SH3PXD2B: variants seen among roughly 807,000 people sequenced by gnomAD.
SH3PXD2B encodes SH3 and PX domains 2B.
In SH3PXD2B, 37 loss-of-function variants were observed where a neutral mutation model predicts 73.1. The observed-to-expected ratio is 0.51, with a 90% confidence interval of 0.39 to 0.67. The LOEUF (loss-of-function observed/expected upper bound fraction) is 0.67, where lower values mean the gene tolerates loss of function less well. SH3PXD2B is among the 30% of genes least tolerant of loss of function. The probability of loss-of-function intolerance (pLI) is 0.00; values close to 1 mark genes in which losing one functional copy is unlikely to be tolerated. For synonymous variants in SH3PXD2B, 457 were observed against 480.5 expected (o/e 0.95, Z 0.64); for missense variants, 1,053 against 1,197.8 (o/e 0.88, Z 1.78).
chr5:172,344,614 A>AAAAT, intron 12 of SH3PXD2B, among the ~76,000 whole-genome samples: 1 of 151,298 alleles, frequency 6.6e-6, no homozygotes. Context: ...AAAAAAAAAA[A>AAAAT]AAGGAGGCAC....
downstream of SH3PXD2B, among the ~76,000 whole-genome samples, chr5:172,329,083 A>ATATATATT (rs58472514): frequency 1.3e-4 from 8 of 61,810 alleles, no homozygotes; most frequent in African/African-American, 7.8e-5. Flanking sequence ...ATATATATAT[A>ATATATATT]TTTTTTTTTT....
At chr5:172,358,128 G>A (rs993077294) in intron 8 of SH3PXD2B, among the ~76,000 whole-genome samples, 1 of 152,254 alleles carries the variant, frequency 6.6e-6, no homozygotes, top group Non-Finnish European at 1.5e-5. Context: ...AAGTGGTACA[G>A]CTGAGATTAA....
chr5:172,345,925 CAGT>C (rs1348970483), intron 12 of SH3PXD2B, among the ~76,000 whole-genome samples: 1 of 152,116 alleles, frequency 6.6e-6, no homozygotes, highest in Non-Finnish European at 1.5e-5. Flanking sequence ...TGGAATTAGA[CAGT>C]GGTGAGGGTT....
chr5:172,380,705 C>A (rs1459803649), intron 5 of SH3PXD2B, among the ~76,000 whole-genome samples: 2 of 152,144 alleles, frequency 1.3e-5, no homozygotes, highest in African/African-American at 4.8e-5. Flanking sequence ...TCTTGGCTCC[C>A]GTGTTGGTAA....
In SH3PXD2B at chr5:172,406,356, A is replaced by C; in HGVS notation, c.157-4T>G. 2.5e-6 allele frequency: 4 copies of C among 1,614,050 alleles called. No individual in the cohort carries two copies. The highest frequency in any genetic ancestry group is 2.5e-6 in the Non-Finnish European group (3 of 1,179,988). On this transcript the variant is annotated splice_polypyrimidine_tract_variant and splice_region_variant and intron_variant, in intron 2 of 12. Transcript: ENST00000311601. ...GAAATTTGTCCAACATCTGCATCTA[A>C]GTGGGGGGCGAATACCAAAAACAAA...
downstream of SH3PXD2B, among the ~76,000 whole-genome samples, chr5:172,329,437 C>G (rs537089382): frequency 4.0e-5 from 6 of 151,378 alleles, no homozygotes; most frequent in South Asian, 1.3e-3. Flanking sequence ...GTTCACTATT[C>G]TGTACTATAC....
intron 10 of SH3PXD2B, among the ~76,000 whole-genome samples, chr5:172,348,331 CT>C (rs563747821): frequency 1.2e-3 from 175 of 145,448 alleles, no homozygotes; most frequent in East Asian, 2.2e-3. Context: ...AAAGCAACGC[CT>C]TTTTTTTTTT....
intron 12 of SH3PXD2B, among the ~76,000 whole-genome samples, chr5:172,341,615 A>G (rs1289826638): frequency 6.6e-6 from 1 of 151,990 alleles, no homozygotes; most frequent in Non-Finnish European, 1.5e-5. Context: ...AGTCAAGTAA[A>G]CCTCTTTTCT....
chr5:172,341,875 G>A (rs2113262329), intron 12 of SH3PXD2B, among the ~76,000 whole-genome samples: 1 of 151,866 alleles, frequency 6.6e-6, no homozygotes, highest in East Asian at 1.9e-4. Context: ...GCCAGGATGG[G>A]CTTGATCTCC....
chr5:172,414,338 G>A (rs902749045), intron 2 of SH3PXD2B, among the ~76,000 whole-genome samples: 3 of 151,668 alleles, frequency 2.0e-5, no homozygotes, highest in African/African-American at 2.4e-5. Context: ...GCATGGTAGC[G>A]CGTGCCTGTA....
chr5:172,422,615 C>T (rs375622577), intron 1 of SH3PXD2B, 119 bp from the exon 2 acceptor site: 1 of 903,092 alleles, frequency 1.1e-6, no homozygotes, highest in Non-Finnish European at 1.8e-6. Flanking sequence ...CTTAGCTCTG[C>T]CAATGACTGG....
In SH3PXD2B at chr5:172,449,988, G is replaced by A. The variant is rs114492972; in HGVS notation, c.75+4290C>T. Among the ~76,000 whole-genome samples, 1,032 of 152,246 alleles carry A rather than the reference G, an allele frequency of 6.8e-3. 16 individuals are homozygous for A. The highest frequency in any genetic ancestry group is 0.023 in the African/African-American group (974 of 41,536). ...TTATTTATAGTTTTAAAACATTCAC[G>A]ACAATACAAGATTTTAGGGAATGTT... On this transcript the variant is annotated intron_variant, in intron 1 of 12. Coordinates refer to ENST00000311601, the MANE Select transcript of SH3PXD2B (RefSeq NM_001017995.3).
intron 3 of SH3PXD2B, among the ~76,000 whole-genome samples, chr5:172,399,105 T>C (rs1436653332): frequency 6.6e-6 from 1 of 152,230 alleles, no homozygotes; most frequent in Non-Finnish European, 1.5e-5. Flanking sequence ...TTAAAACAGC[T>C]TGAAGTTCAA....
chr5:172,331,258 T>C (rs1433918904), downstream of SH3PXD2B, among the ~76,000 whole-genome samples: 2 of 152,134 alleles, frequency 1.3e-5, no homozygotes, highest in South Asian at 2.1e-4. Flanking sequence ...TTTTTGAACA[T>C]GTAGACTATA....
At chr5:172,422,349 T>C in intron 2 of SH3PXD2B, 67 bp downstream of exon 2, 1 of 1,383,612 alleles carries the variant, frequency 7.2e-7, no homozygotes, top group Non-Finnish European at 1.0e-6. Context: ...TCTAAAGCTG[T>C]AGTGGAATGT....
At chr5:172,373,617 C>T (rs1757756106) in intron 6 of SH3PXD2B, among the ~76,000 whole-genome samples, 173 bp downstream of exon 6, 1 of 152,142 alleles carries the variant, frequency 6.6e-6, no homozygotes. Flanking sequence ...TCCATCCATC[C>T]ATCCCTCCAC....
intron 5 of SH3PXD2B, among the ~76,000 whole-genome samples, chr5:172,374,944 G>A (rs1355238305): frequency 1.3e-5 from 2 of 152,146 alleles, no homozygotes; most frequent in Non-Finnish European, 2.9e-5. Flanking sequence ...TTTTACAGAC[G>A]AGGAACAGAG....
Position 172,339,691 on chromosome 5 carries a change from C to G in SH3PXD2B, c.1414G>C (p.Asp472His), listed in dbSNP as rs760147022. Residue 472 changes from aspartate to histidine, a missense_variant, in exon 13 of 13, where the codon GAC (aspartate) becomes CAC (histidine). Around this residue, in one of 2 missense-constraint regions of SH3PXD2B, gnomAD observed 587 missense variants for 590.7 expected, o/e 0.99. Coordinates refer to ENST00000311601, the MANE Select transcript of SH3PXD2B (RefSeq NM_001017995.3). This position sits in a 1 kb window ranked among gnomAD's most constrained non-coding sequence, Gnocchi z 6.1. Reference protein sequence around the residue: ...EATGPSRPLPDAPHGVMDSGL... With the variant: ...EATGPSRPLPHAPHGVMDSGL... ...GAGTCCATGACACCATGCGGTGCGT[C>G]AGGCAGGGGCCGGGAGGGGCCCGTG... The G allele has an allele frequency of 5.0e-6, 8 of 1,614,240 alleles. No individual in the cohort carries two copies. In the Admixed American group the frequency reaches 1.0e-4, roughly 20 times the overall value.
rs531586603 is a variant in SH3PXD2B, at chr5:172,343,841, GAA to G, written c.1188+2293_1188+2294del. On this transcript the variant is annotated intron_variant, in intron 12 of 12. Coordinates refer to ENST00000311601, the MANE Select transcript of SH3PXD2B (RefSeq NM_001017995.3). Reference sequence around the variant, plus strand: ...AAAAGATCACAAGAATGAGGGGAAAGAAAAGAGTGTGGGCTTTAAAACCAGAA... The same window carrying G: ...AAAAGATCACAAGAATGAGGGGAAAGAAGAGTGTGGGCTTTAAAACCAGAA... 1.6e-3 allele frequency among the ~76,000 whole-genome samples: 245 copies of G among 151,028 alleles called. 1 individual carries two copies. The highest frequency in any genetic ancestry group is 5.8e-3 in the African/African-American group (238 of 41,100).
Sources: allele counts gnomAD v4.1 joint callset (sites outside exome capture counted in the v4.1 genomes callset), GRCh38; gene constraint gnomAD v4.1.1; regional missense constraint gnomAD v4.1.1; non-coding constraint Gnocchi (gnomAD v3.1); transcripts MANE v1.5; gene names NCBI Gene and HGNC (gene_info 2026-07-23, HGNC 2026-07-21).